Variants in PCDHA6 observed in about 807,000 individuals in gnomAD.
PCDHA6 encodes protocadherin alpha-6.
Under a neutral mutation model 60.3 loss-of-function variants are expected in PCDHA6, and 55 were observed. The observed-to-expected ratio is 0.91, with a 90% confidence interval of 0.73 to 1.14. PCDHA6 has a LOEUF of 1.14. PCDHA6 is among the 50% of genes most tolerant of loss of function. PCDHA6 has a pLI of 0.00. For missense variants in PCDHA6, 1,327 were observed against 1,256.5 expected, an observed-to-expected ratio of 1.06 and a Z score of -0.85; for synonymous variants, 652 against 557.9, an observed-to-expected ratio of 1.17 and a Z score of -2.38.
intron 1 of PCDHA6, among the ~76,000 whole-genome samples, chr5:140,906,181 T>C (rs944915696): frequency 6.6e-6 from 1 of 152,170 alleles, no homozygotes. Flanking sequence ...CTTTGCATCC[T>C]TCAATCCAAT....
At chr5:140,839,227 T>C (rs1776100105) in intron 1 of PCDHA6, among the ~76,000 whole-genome samples, 1 of 152,010 alleles carries the variant, frequency 6.6e-6, no homozygotes, top group African/African-American at 2.4e-5. Context: ...AACTGTAATC[T>C]GTTTTTATTG....
intron 1 of PCDHA6, chr5:140,857,158 A>G: frequency 6.3e-7 from 1 of 1,598,190 alleles, no homozygotes; most frequent in East Asian, 2.2e-5. Context: ...TCATTGCCCT[A>G]ATCAGCGTTT....
chr5:140,917,435 T>A (rs1179418321), intron 1 of PCDHA6, among the ~76,000 whole-genome samples: 2 of 152,200 alleles, frequency 1.3e-5, no homozygotes, highest in South Asian at 2.1e-4. Flanking sequence ...CAATTTTTGT[T>A]TTTGCTGCAA....
At chr5:140,913,145 G>A (rs2076230074) in intron 1 of PCDHA6, among the ~76,000 whole-genome samples, 1 of 152,150 alleles carries the variant, frequency 6.6e-6, no homozygotes, top group Non-Finnish European at 1.5e-5. Context: ...TTTTGGAATA[G>A]TTTGAGTAGG....
At chr5:140,884,035 C>A (rs782637499) in intron 1 of PCDHA6, 1 of 1,613,396 alleles carries the variant, frequency 6.2e-7, no homozygotes, top group South Asian at 1.1e-5. Context: ...GTGCAGGCCA[C>A]GTGGTGGCGA....
rs781852534 is a variant in PCDHA6, at chr5:140,982,552, G to T, written c.2531G>T (p.Ser844Ile). 1 of 1,614,168 alleles carries T rather than the reference G, an allele frequency of 6.2e-7. No individual in the cohort carries two copies. The highest frequency in any genetic ancestry group is 2.2e-5 in the East Asian group (1 of 44,892). ...GATCAGCAGTGGCCAACAGTATCCAGTGCAACACCAGGTAAAGAGCTGGGG... is the reference window on the plus strand; with the variant it reads ...GATCAGCAGTGGCCAACAGTATCCATTGCAACACCAGGTAAAGAGCTGGGG... The part of the protein sequence containing the change: ...GPDQQWPTVS[S>I]ATPEPEAGEV... Residue 844 changes from serine (S) to isoleucine (I), a missense_variant, in exon 3 of 4, where the codon AGT (serine) becomes ATT (isoleucine). Physicochemically the swap from Ser to Ile is moderately radical, Grantham distance 142. Coordinates refer to ENST00000529310, the MANE Select transcript of PCDHA6 (RefSeq NM_018909.4).
intron 1 of PCDHA6, chr5:140,928,845 T>C: frequency 6.2e-7 from 1 of 1,614,180 alleles, no homozygotes; most frequent in Non-Finnish European, 8.5e-7. Flanking sequence ...CCTCTGTCAC[T>C]CTGGGTGTGC....
chr5:140,927,374 A>G (rs1026302775), intron 1 of PCDHA6: 5 of 1,614,100 alleles, frequency 3.1e-6, no homozygotes, highest in Non-Finnish European at 4.2e-6. Context: ...ATACTAAGCT[A>G]CAGCCTAAGC....
chr5:140,993,133 C>T (rs2097542175), intron 3 of PCDHA6, among the ~76,000 whole-genome samples: 1 of 152,190 alleles, frequency 6.6e-6, no homozygotes, highest in East Asian at 1.9e-4. Context: ...CCTTCTGTTG[C>T]AACAAGTATA....
At chr5:140,929,015 A>C (rs1563111690) in intron 1 of PCDHA6, 3 of 1,614,016 alleles carry the variant, frequency 1.9e-6, no homozygotes, top group African/African-American at 1.3e-5. Flanking sequence ...ACCAAGTTGC[A>C]CCAGAGCCCA....
intron 1 of PCDHA6, among the ~76,000 whole-genome samples, chr5:140,846,095 G>A (rs2150384472): frequency 6.7e-5 from 10 of 149,712 alleles, no homozygotes; most frequent in African/African-American, 2.4e-4. Context: ...GTCCTTCCAA[G>A]GAATGTGTAG....
chr5:140,850,518 G>A, intron 1 of PCDHA6: 1 of 1,598,310 alleles, frequency 6.3e-7, no homozygotes, highest in South Asian at 1.1e-5. Flanking sequence ...GAGCGGCCAG[G>A]CGCCAAAGTC....
At chr5:140,935,080 C>T (rs1163743447) in intron 1 of PCDHA6, among the ~76,000 whole-genome samples, 1 of 152,076 alleles carries the variant, frequency 6.6e-6, no homozygotes, top group Non-Finnish European at 1.5e-5. Flanking sequence ...TGTACATTTC[C>T]TTTCCCAGAA....
chr5:140,866,563 G>A (rs1163893808), intron 1 of PCDHA6: 31 of 152,118 alleles, frequency 2.0e-4, no homozygotes, highest in Admixed American at 2.0e-3. Flanking sequence ...CTATAATTTT[G>A]TTAATACAGT....
intron 1 of PCDHA6, among the ~76,000 whole-genome samples, chr5:140,940,750 G>A (rs1274521070): frequency 2.6e-5 from 4 of 152,136 alleles, no homozygotes; most frequent in Non-Finnish European, 5.9e-5. Context: ...TTTTATGTGT[G>A]CCAACTTTTA....
chr5:140,866,964 C>T (rs1197921114), intron 1 of PCDHA6: 1 of 152,102 alleles, frequency 6.6e-6, no homozygotes, highest in East Asian at 1.9e-4. Flanking sequence ...GAGATGGTGA[C>T]ATCTGAAATA....
chr5:140,876,728 C>G (rs200398819), intron 1 of PCDHA6: 4 of 1,614,244 alleles, frequency 2.5e-6, no homozygotes, highest in African/African-American at 2.7e-5. Flanking sequence ...GAGAGCGTGT[C>G]GGCCTATGAG....
At chr5:140,843,557 G>C (rs1778973583) in intron 1 of PCDHA6, 1 of 1,595,984 alleles carries the variant, frequency 6.3e-7, no homozygotes. Flanking sequence ...CAGTGCGGTG[G>C]GGAGCTGGTC....
intron 1 of PCDHA6, among the ~76,000 whole-genome samples, chr5:140,890,310 G>C (rs1554184247): frequency 6.6e-6 from 1 of 152,160 alleles, no homozygotes; most frequent in African/African-American, 2.4e-5. Context: ...GTAATATTAA[G>C]TTGTTTTAAG....
Sources: gnomAD v4.1 joint callset for allele counts (sites outside exome capture counted in the v4.1 genomes callset) on GRCh38, gnomAD v4.1.1 for gene constraint, MANE v1.5 for transcripts, NCBI Gene and HGNC (gene_info 2026-07-23, HGNC 2026-07-21) for gene names.